Variants in FES observed in about 807,000 individuals in gnomAD.
The protein encoded by FES is tyrosine-protein kinase Fes/Fps.
In FES, 83 loss-of-function variants were observed where a neutral mutation model predicts 109.6. That is an observed-to-expected ratio of 0.76 (90% CI 0.63 to 0.91). The LOEUF (loss-of-function observed/expected upper bound fraction) is 0.91. FES is among the 40% of genes least tolerant of loss of function. The probability of loss-of-function intolerance (pLI) is 0.00; values close to 1 mark genes in which losing one functional copy is unlikely to be tolerated. For missense variants in FES, 943 were observed against 1,070.9 expected (o/e 0.88, Z 1.67); for synonymous variants, 458 against 442.1 (o/e 1.04, Z -0.45).
Position 90,890,430 on chromosome 15 carries a change from C to T in FES, c.1266C>T (p.Pro422=), listed in dbSNP as rs1386246756. 1 of 1,613,268 alleles carries T rather than the reference C, an allele frequency of 6.2e-7. No homozygotes were observed. The highest frequency in any genetic ancestry group is 8.5e-7 in the Non-Finnish European group (1 of 1,179,910). ...SEQEREGGRT[P]TLEILKSHIS... ...AGGAGCGAGAGGGGGGAAGGACACCCACGCTGGAGATCCTTAAGAGCCACA... is the reference window on the plus strand; with the variant it reads ...AGGAGCGAGAGGGGGGAAGGACACCTACGCTGGAGATCCTTAAGAGCCACA... Residue 422 remains proline (P), a synonymous_variant, in exon 10 of 19, where the codon CCC becomes CCT. Transcript: ENST00000328850.
At chr15:90,893,534 T>C in intron 16 of FES, 120 bp downstream of exon 16, 1 of 1,492,214 alleles carries the variant, frequency 6.7e-7, no homozygotes, top group Non-Finnish European at 8.9e-7. Context: ...AGTTGGCCTC[T>C]GTGGTAGACA....
In FES at chr15:90,893,181, G is replaced by A; in HGVS notation, c.1908G>A (p.Met636Ile). 1.2e-6 allele frequency: 2 copies of A among 1,613,976 alleles called. No homozygotes were observed. The part of the protein sequence containing the change: ...CTQKQPIYIV[M>I]ELVQGGDFLT... Reference sequence around the variant, plus strand: ...AGAAGCAGCCCATCTACATCGTCATGGAGCTTGTGCAGGGTGAGCGCGGGG... The same window carrying A: ...AGAAGCAGCCCATCTACATCGTCATAGAGCTTGTGCAGGGTGAGCGCGGGG... Residue 636 changes from methionine (M) to isoleucine (I), a missense_variant, in exon 15 of 19, where the codon ATG becomes ATA. By Grantham distance (10) the Met-to-Ile change is conservative. Coordinates refer to ENST00000328850, the MANE Select transcript of FES (RefSeq NM_002005.4).
At position 90,890,101 on chromosome 15, in the gene FES, G is replaced by A. The variant is rs935950322; in HGVS notation, c.1059G>A (p.Leu353=). The change falls in exon 9 of 19, where the codon CTG becomes CTA. Residue 353 remains leucine, a synonymous_variant. Coordinates refer to ENST00000328850, the MANE Select transcript of FES (RefSeq NM_002005.4). ...CCGCCCCTGCCTGCAGGGTGCAGCT[G>A]CTGGGCAAGAGGCAAGTGCTGCAAG... ...ENTHPRERVQ[L]LGKRQVLQEA... 3 of 1,557,620 alleles carry A rather than the reference G, an allele frequency of 1.9e-6. No homozygotes were observed. In the African/African-American group the frequency reaches 4.1e-5, roughly 21 times the overall value.
In FES at chr15:90,890,494, G is replaced by A. The variant is rs191115273; in HGVS notation, c.1320+10G>A. The A allele has an allele frequency of 8.2e-4, 1,323 of 1,609,108 alleles. 8 individuals carry two copies. The African/African-American group carries it at 0.016, about 19-fold the overall frequency. On this transcript the variant is annotated intron_variant, in intron 10 of 18. Coordinates refer to ENST00000328850, the MANE Select transcript of FES (RefSeq NM_002005.4). ...CCGCCCCAAGTTCTCGGTGAGTGGC[G>A]CCCAGCCTGGGCCCCCCTACTGTTG... is the stretch of plus-strand genomic sequence containing the variant.
chr15:90,893,788 C>G lies in FES; in HGVS notation c.2180C>G (p.Thr727Ser). ...CTCAGACAAGTCCCCGTGAAGTGGA[C>G]CGCACCTGAGGCCCTTAACTACGGT... ...GGLRQVPVKW[T>S]APEALNYGRY... Residue 727 changes from threonine (T) to serine (S), a missense_variant, in exon 17 of 19, where the codon ACC (threonine) becomes AGC (serine). Thr to Ser is a moderately conservative substitution (Grantham distance 58). Coordinates refer to ENST00000328850, the MANE Select transcript of FES (RefSeq NM_002005.4). 6.2e-7 allele frequency: 1 copy of G among 1,600,354 alleles called. No individual in the cohort carries two copies. Among genetic ancestry groups the G allele is most frequent in the Non-Finnish European group, 8.5e-7 (1 of 1,172,360 alleles).
At position 90,894,659 on chromosome 15, in the gene FES, G is replaced by A. The variant is rs554138211; in HGVS notation, c.2326+601G>A. ...CATGCGCCTGTAGTCCCTGCTACTC[G>A]GGAGGCTGAGGTGGGAGGATCACTG... is the stretch of plus-strand genomic sequence containing the variant. On this transcript the variant is annotated intron_variant, in intron 18 of 18. Coordinates refer to ENST00000328850, the MANE Select transcript of FES (RefSeq NM_002005.4). 4.5e-4 allele frequency among the ~76,000 whole-genome samples: 68 copies of A among 152,300 alleles called. 1 individual carries two copies. The South Asian group carries it at 0.014, about 31-fold the overall frequency.
Position 90,889,287 on chromosome 15 carries a change from G to T in FES, c.669-19G>T. The T allele has an allele frequency of 6.2e-7, 1 of 1,611,956 alleles. No individual in the cohort carries two copies. Among genetic ancestry groups the T allele is most frequent in the South Asian group, 1.1e-5 (1 of 91,018 alleles). ...CCAGCCTGAGGCTCCCCTGACTGGGGATCCCGTCTCGGGGGCAGGAAGGAG... is the reference window on the plus strand; with the variant it reads ...CCAGCCTGAGGCTCCCCTGACTGGGTATCCCGTCTCGGGGGCAGGAAGGAG... On this transcript the variant is annotated intron_variant, in intron 5 of 18. Transcript: ENST00000328850. The surrounding 1 kb of genome is among the most constrained non-coding windows in gnomAD (Gnocchi z 6.1).
Position 90,889,900 on chromosome 15 carries a change from G to A in FES, c.987G>A (p.Glu329=), listed in dbSNP as rs1000519788. 2 of 1,613,524 alleles carry A rather than the reference G, an allele frequency of 1.2e-6. No homozygotes were observed. The highest frequency in any genetic ancestry group is 1.3e-5 in the African/African-American group (1 of 74,820). The part of the protein sequence containing the change: ...VATEMVFRRQ[E]MVTQLQQELR... ...CCGAGATGGTGTTCAGGCGGCAGGA[G>A]ATGGTTACGCAGCTGCAACAGGAGC... The change falls in exon 8 of 19, where the codon GAG becomes GAA. Residue 329 remains glutamate (E), a synonymous_variant. Transcript: ENST00000328850. The surrounding 1 kb of genome is among the most constrained non-coding windows in gnomAD (Gnocchi z 6.1).
chr15:90,884,919 C>A, intron 1 of FES, 118 bp from the exon 2 acceptor site: 1 of 830,106 alleles, frequency 1.2e-6, no homozygotes, highest in Non-Finnish European at 1.9e-6. Context: ...CGAGGCAGGA[C>A]CCCACCTCCT....
At chr15:90,885,662 C>G in intron 3 of FES, 77 bp downstream of exon 3, 1 of 1,525,324 alleles carries the variant, frequency 6.6e-7, no homozygotes, top group Non-Finnish European at 8.8e-7. Flanking sequence ...GCACAAGAGG[C>G]CCTGGATTCA....
At chr15:90,892,910 T>A in intron 14 of FES, 85 bp downstream of exon 14, 2 of 1,442,632 alleles carry the variant, frequency 1.4e-6, no homozygotes, top group Non-Finnish European at 1.9e-6. Context: ...TTGACCACCG[T>A]GGTGGTGTTT....
chr15:90,889,729 A>G lies in FES; in HGVS notation c.926+93A>G. On this transcript the variant is annotated intron_variant, in intron 7 of 18. Coordinates refer to ENST00000328850, the MANE Select transcript of FES (RefSeq NM_002005.4). This position sits in a 1 kb window ranked among gnomAD's most constrained non-coding sequence, Gnocchi z 6.1. ...GGGCTAGGTCGTGGAGACTGTCCACACAGAGCTGTCACCAGGTGGCCGGGC... is the reference window on the plus strand; with the variant it reads ...GGGCTAGGTCGTGGAGACTGTCCACGCAGAGCTGTCACCAGGTGGCCGGGC... The G allele has an allele frequency of 1.9e-6, 3 of 1,603,480 alleles. No homozygotes were observed. Among genetic ancestry groups the G allele is most frequent in the Non-Finnish European group, 2.6e-6 (3 of 1,175,490 alleles).
chr15:90,891,784 A>C, intron 12 of FES, 108 bp downstream of exon 12: 2 of 1,486,630 alleles, frequency 1.3e-6, no homozygotes, highest in South Asian at 2.5e-5. Flanking sequence ...CCCTCCGTCT[A>C]CATACAAGAT....
chr15:90,892,911 G>A (rs921990100), intron 14 of FES, 86 bp downstream of exon 14: 1 of 1,467,516 alleles, frequency 6.8e-7, no homozygotes, highest in African/African-American at 1.4e-5. Context: ...TGACCACCGT[G>A]GTGGTGTTTA....
intron 2 of FES, 52 bp from the exon 3 acceptor site, chr15:90,885,360 G>A (rs2032478660): frequency 1.9e-6 from 3 of 1,596,048 alleles, no homozygotes; most frequent in Non-Finnish European, 2.6e-6. Context: ...GCAGGCCAAT[G>A]CTTGGGAGCC....
In FES at chr15:90,895,682, C is replaced by G; in HGVS notation, c.*124C>G. 1 of 829,492 alleles carries G rather than the reference C, an allele frequency of 1.2e-6. No individual in the cohort carries two copies. The highest frequency in any genetic ancestry group is 3.1e-5 in the East Asian group (1 of 31,822). 51.4% of individuals were successfully genotyped at this position (829,492 alleles called of 1,614,324 possible). A position where few individuals can be genotyped will look rare whatever the true frequency, so the allele number is the denominator to read the frequency against. Reference sequence around the variant, plus strand: ...CTCCTGCCACCAGCATCCACACTGCCGGCAGGATGCAGCGCCGTGTCCTCT... The same window carrying G: ...CTCCTGCCACCAGCATCCACACTGCGGGCAGGATGCAGCGCCGTGTCCTCT... On this transcript the variant is annotated 3_prime_UTR_variant, in exon 19 of 19. Transcript: ENST00000328850.
intron 10 of FES, among the ~76,000 whole-genome samples, chr15:90,890,685 A>G (rs915043208): frequency 1.3e-5 from 2 of 150,854 alleles, no homozygotes; most frequent in African/African-American, 2.4e-5. Flanking sequence ...GGGACCAGCA[A>G]CCTCGACTAT....
chr15:90,885,001 C>G, intron 1 of FES, 36 bp from the exon 2 acceptor site: 1 of 1,533,562 alleles, frequency 6.5e-7, no homozygotes, highest in South Asian at 1.2e-5. Flanking sequence ...CCAGCTGCTG[C>G]CTTGCCTCCA....
At chr15:90,890,062 A>T in intron 8 of FES, 30 bp from the exon 9 acceptor site, 1 of 1,553,584 alleles carries the variant, frequency 6.4e-7, no homozygotes, top group South Asian at 1.2e-5. Flanking sequence ...CCTTATTCTC[A>T]TCCACCCTCC....
Sources: gnomAD v4.1 joint callset for allele counts (sites outside exome capture counted in the v4.1 genomes callset) on GRCh38, gnomAD v4.1.1 for gene constraint, Gnocchi (gnomAD v3.1) non-coding constraint, MANE v1.5 for transcripts, NCBI Gene and HGNC (gene_info 2026-07-23, HGNC 2026-07-21) for gene names.